GIMAP8: variants seen among roughly 807,000 people sequenced by gnomAD.
GIMAP8 encodes GTPase IMAP family member 8.
GIMAP8 carries 29 observed loss-of-function variants against 35.6 expected under a neutral mutation model. The ratio of observed to expected loss-of-function variants is 0.81; its 90% CI spans 0.61 to 1.11. GIMAP8 has a LOEUF of 1.11. Among genes scored for constraint, GIMAP8 ranks in the 50% most tolerant of loss-of-function variants. The pLI, the probability that GIMAP8 is intolerant of heterozygous loss-of-function variation, is 0.00. For synonymous variants in GIMAP8, 335 were observed against 308.7 expected, an observed-to-expected ratio of 1.09 and a Z score of -0.89; for missense variants, 811 against 805.0, an observed-to-expected ratio of 1.01 and a Z score of -0.09.
chr7:150,458,093 T>C (rs1449466566), intron 1 of GIMAP8, among the ~76,000 whole-genome samples: 1 of 152,166 alleles, frequency 6.6e-6, no homozygotes, highest in African/African-American at 2.4e-5. Flanking sequence ...ACCTTTCCCA[T>C]GTGTGTTAGC....
intron 4 of GIMAP8, among the ~76,000 whole-genome samples, chr7:150,476,109 G>A (rs1802221357): frequency 6.6e-6 from 1 of 152,186 alleles, no homozygotes; most frequent in Non-Finnish European, 1.5e-5. Context: ...TGGGAGTGTT[G>A]GAAGATTAAG....
At chr7:150,459,727 T>G (rs1187826692) in intron 1 of GIMAP8, among the ~76,000 whole-genome samples, 1 of 152,164 alleles carries the variant, frequency 6.6e-6, no homozygotes, top group Non-Finnish European at 1.5e-5. Flanking sequence ...ACCAGTGAAT[T>G]CCATGAACAT....
In GIMAP8 at chr7:150,453,074, C is replaced by T. The variant is rs143286084; in HGVS notation, c.-29+1899C>T. Among the ~76,000 whole-genome samples, 9 of 150,936 alleles carry T rather than the reference C, an allele frequency of 6.0e-5. No individual in the cohort carries two copies. The East Asian group carries it at 1.7e-3, about 29-fold the overall frequency. On this transcript the variant is annotated intron_variant, in intron 1 of 4. Coordinates refer to ENST00000307271, the MANE Select transcript of GIMAP8 (RefSeq NM_175571.4). ...GCACATGCTGTTATGGAGCTTTGTACCAAGGGTAGTACAGAGAACATTTAG... is the reference window on the plus strand; with the variant it reads ...GCACATGCTGTTATGGAGCTTTGTATCAAGGGTAGTACAGAGAACATTTAG...
At chr7:150,469,547 C>G (rs1351400283) in intron 2 of GIMAP8, among the ~76,000 whole-genome samples, 1 of 152,142 alleles carries the variant, frequency 6.6e-6, no homozygotes, top group East Asian at 1.9e-4. Context: ...GAAATGCTTA[C>G]AAAGTCGTTA....
Position 150,472,183 on chromosome 7 carries a change from G to A in GIMAP8, c.682+1309G>A, listed in dbSNP as rs959959507. On this transcript the variant is annotated intron_variant, in intron 3 of 4. Transcript: ENST00000307271. The surrounding 1 kb of genome is among the most constrained non-coding windows in gnomAD (Gnocchi z 4.1). ...GTCACAGGGCTGTCAGAAACAGGGG[G>A]CAGGGAAGGACTTTTTATAGGATGT... 2.0e-5 allele frequency among the ~76,000 whole-genome samples: 3 copies of A among 152,180 alleles called. No individual in the cohort carries two copies. The highest frequency in any genetic ancestry group is 7.2e-5 in the African/African-American group (3 of 41,444).
chr7:150,469,682 C>T (rs1802044788), intron 2 of GIMAP8, among the ~76,000 whole-genome samples: 1 of 151,540 alleles, frequency 6.6e-6, no homozygotes, highest in Non-Finnish European at 1.5e-5. Context: ...TGAGTTAGAG[C>T]CATACTTTTA....
At position 150,477,393 on chromosome 7, in the gene GIMAP8, C is replaced by A; in HGVS notation, c.1611C>A (p.Phe537Leu). The stretch of plus-strand genomic sequence containing the variant: ...TCCTGGTGTTCCAGCTGGGACGATT[C>A]ACTGAAGAGGACAAAACAGCTGTGG... ...FFVLVFQLGR[F>L]TEEDKTAVAK... Residue 537 changes from phenylalanine (F) to leucine (L), a missense_variant, in exon 5 of 5, where the codon TTC (phenylalanine) becomes TTA (leucine). Coordinates refer to ENST00000307271, the MANE Select transcript of GIMAP8 (RefSeq NM_175571.4). 1.2e-6 allele frequency: 2 copies of A among 1,614,216 alleles called. No individual in the cohort carries two copies. Among genetic ancestry groups the A allele is most frequent in the Non-Finnish European group, 1.7e-6 (2 of 1,180,034 alleles).
intron 1 of GIMAP8, among the ~76,000 whole-genome samples, chr7:150,461,721 A>G (rs1183778450): frequency 6.6e-6 from 1 of 152,182 alleles, no homozygotes; most frequent in Non-Finnish European, 1.5e-5. Flanking sequence ...TAAGGTTGTT[A>G]CTGATAGATG....
At chr7:150,452,061 C>T (rs1801619915) in intron 1 of GIMAP8, among the ~76,000 whole-genome samples, 1 of 152,138 alleles carries the variant, frequency 6.6e-6, no homozygotes, top group Non-Finnish European at 1.5e-5. Context: ...TGGGCTGTTT[C>T]CTGAGAAGGA....
At chr7:150,475,867 G>C (rs897561917) in intron 4 of GIMAP8, among the ~76,000 whole-genome samples, 3 of 152,210 alleles carry the variant, frequency 2.0e-5, no homozygotes, top group Non-Finnish European at 2.9e-5. Context: ...TTGAAGCAAA[G>C]AGGTAGGACT....
chr7:150,474,046 C>G lies in GIMAP8; in HGVS notation c.717C>G (p.Pro239=). ...AAAGGCAGCTGCAGTCCACAGGACCCGAGCAGAATCCGGGGACATCAGAAC... is the reference window on the plus strand; with the variant it reads ...AAAGGCAGCTGCAGTCCACAGGACCGGAGCAGAATCCGGGGACATCAGAAC... ...PRERQLQSTG[P]EQNPGTSELT... The change falls in exon 4 of 5, where the codon CCC becomes CCG. Residue 239 remains proline, a synonymous_variant. Coordinates refer to ENST00000307271, the MANE Select transcript of GIMAP8 (RefSeq NM_175571.4). 1 of 1,613,924 alleles carries G rather than the reference C, an allele frequency of 6.2e-7. No individual in the cohort carries two copies. Among genetic ancestry groups the G allele is most frequent in the Non-Finnish European group, 8.5e-7 (1 of 1,179,942 alleles).
intron 1 of GIMAP8, among the ~76,000 whole-genome samples, chr7:150,457,566 G>A (rs545839165): frequency 6.6e-6 from 1 of 152,348 alleles, no homozygotes; most frequent in Non-Finnish European, 1.5e-5. Flanking sequence ...TCTATGAGAT[G>A]TGTAGAATCA....
At chr7:150,470,617 A>G (rs1157963432) in intron 2 of GIMAP8, among the ~76,000 whole-genome samples, 1 of 152,144 alleles carries the variant, frequency 6.6e-6, no homozygotes, top group Non-Finnish European at 1.5e-5. Flanking sequence ...CAGTCCTAGC[A>G]GCATCAGGGG....
rs768983654 is a variant in GIMAP8 at position 150,473,995 on chromosome 7, G to A, written c.683-17G>A. On this transcript the variant is annotated splice_polypyrimidine_tract_variant and intron_variant, in intron 3 of 4. Coordinates refer to ENST00000307271, the MANE Select transcript of GIMAP8 (RefSeq NM_175571.4). ...AACTGCAGGAAGAGACTCTGAACCT[G>A]TCCATTTGTCCCACAGGCCCAAGGG... 10 of 1,602,544 alleles carry A rather than the reference G, an allele frequency of 6.2e-6. No individual in the cohort carries two copies. The highest frequency in any genetic ancestry group is 3.4e-5 in the Admixed American group (2 of 58,468).
rs140485504 is a variant in GIMAP8 at position 150,474,046 on chromosome 7, C to T, written c.717C>T (p.Pro239=). The stretch of plus-strand genomic sequence containing the variant: ...AAAGGCAGCTGCAGTCCACAGGACC[C>T]GAGCAGAATCCGGGGACATCAGAAC... ...PRERQLQSTG[P]EQNPGTSELT... is the part of the protein sequence containing the mutation. The change falls in exon 4 of 5, where the codon CCC becomes CCT. Residue 239 remains proline, a synonymous_variant. Coordinates refer to ENST00000307271, the MANE Select transcript of GIMAP8 (RefSeq NM_175571.4). The T allele has an allele frequency of 1.4e-5, 22 of 1,613,924 alleles. No individual in the cohort carries two copies. The Admixed American group carries it at 2.3e-4, about 17-fold the overall frequency.
At chr7:150,470,600 C>T (rs911262750) in intron 2 of GIMAP8, among the ~76,000 whole-genome samples, 20 of 152,122 alleles carry the variant, frequency 1.3e-4, no homozygotes, top group South Asian at 2.1e-4. Flanking sequence ...TCACCTTCTC[C>T]GAGAACCAGT....
In GIMAP8 at chr7:150,470,961, A is replaced by C. The variant is rs768008055; in HGVS notation, c.682+87A>C. The C allele has an allele frequency of 3.8e-4, 393 of 1,036,528 alleles. 1 individual carries two copies. Among genetic ancestry groups the C allele is most frequent in the South Asian group, 1.3e-3 (96 of 76,478 alleles). The allele number at this position is 1,036,528 out of a possible 1,614,324, so 64.2% of individuals were successfully genotyped here. A position where few individuals can be genotyped will look rare whatever the true frequency, so the allele number is the denominator to read the frequency against. On this transcript the variant is annotated intron_variant, in intron 3 of 4. Transcript: ENST00000307271. ...CCAAAGTGAAGCGGAAACATTATCC[A>C]TATAAACCAGAAAATTCACCCTGGG...
At chr7:150,467,429 G>A in intron 2 of GIMAP8, 95 bp downstream of exon 2, 1 of 965,822 alleles carries the variant, frequency 1.0e-6, no homozygotes, top group Non-Finnish European at 1.6e-6. Context: ...ATTGTGTGAT[G>A]GAACATGGGT....
intron 1 of GIMAP8, among the ~76,000 whole-genome samples, chr7:150,456,586 A>G (rs919583348): frequency 2.6e-5 from 4 of 152,204 alleles, no homozygotes; most frequent in African/African-American, 9.7e-5. Context: ...AAAATTCTTA[A>G]TAACATTGGC....
Sources: allele counts gnomAD v4.1 joint callset (sites outside exome capture counted in the v4.1 genomes callset), GRCh38; gene constraint gnomAD v4.1.1; non-coding constraint Gnocchi (gnomAD v3.1); transcripts MANE v1.5; gene names NCBI Gene and HGNC (gene_info 2026-07-23, HGNC 2026-07-21).